The following FAM135B variants were observed in gnomAD, a reference collection of about 807,000 sequenced individuals.
FAM135B encodes family with sequence similarity 135 member B, also known as protein FAM135B.
A neutral mutation model predicts 127.7 loss-of-function variants in FAM135B; 43 were observed. That is an observed-to-expected ratio of 0.34 (90% CI 0.26 to 0.43). The LOEUF is 0.43. Among genes scored for constraint, FAM135B ranks in the 20% least tolerant of loss-of-function variants. The probability of loss-of-function intolerance (pLI) is 1.00; values close to 1 mark genes in which losing one functional copy is unlikely to be tolerated. For synonymous variants in FAM135B, 670 were observed against 665.1 expected (o/e 1.01, Z -0.11); for missense variants, 1,558 against 1,725.6 (o/e 0.90, Z 1.72).
intron 1 of FAM135B, among the ~76,000 whole-genome samples, chr8:138,467,337 G>T (rs1477336838): frequency 6.6e-6 from 1 of 152,028 alleles, no homozygotes; most frequent in Admixed American, 6.5e-5. Context: ...GAAGGCCCTC[G>T]GCCTGTGTTG....
At chr8:138,229,874 A>T (rs534362354) in intron 7 of FAM135B, among the ~76,000 whole-genome samples, 1 of 152,076 alleles carries the variant, frequency 6.6e-6, no homozygotes, top group Non-Finnish European at 1.5e-5. Flanking sequence ...GCACTCACTC[A>T]CTATCACAAG....
At chr8:138,430,297 G>GT (rs757237326) in intron 1 of FAM135B, among the ~76,000 whole-genome samples, 1 of 152,130 alleles carries the variant, frequency 6.6e-6, no homozygotes, top group Non-Finnish European at 1.5e-5. Flanking sequence ...AAGATGCTTG[G>GT]TATATGCTTC....
chr8:138,331,674 G>C (rs980223692), intron 2 of FAM135B, among the ~76,000 whole-genome samples: 11 of 152,178 alleles, frequency 7.2e-5, no homozygotes, highest in African/African-American at 2.7e-4. Context: ...CTGAAATAAA[G>C]TCTTTTCTCT....
chr8:138,400,703 T>G (rs968652), intron 1 of FAM135B, among the ~76,000 whole-genome samples: 1 of 151,948 alleles, frequency 6.6e-6, no homozygotes, highest in Non-Finnish European at 1.5e-5. Flanking sequence ...GTGCTACCTT[T>G]CAAGGCTGCC....
intron 1 of FAM135B, among the ~76,000 whole-genome samples, chr8:138,417,640 C>A (rs1448185428): frequency 6.6e-6 from 1 of 152,102 alleles, no homozygotes; most frequent in Admixed American, 6.5e-5. Flanking sequence ...CTCGAGAGGC[C>A]AGAGAGAAAA....
intron 12 of FAM135B, among the ~76,000 whole-genome samples, chr8:138,167,092 G>A (rs1358402579): frequency 6.6e-6 from 1 of 151,990 alleles, no homozygotes; most frequent in Admixed American, 6.6e-5. Context: ...ACCATGGGGG[G>A]AAATCAAAAT....
intron 1 of FAM135B, among the ~76,000 whole-genome samples, chr8:138,493,309 G>A (rs768365722): frequency 6.6e-6 from 1 of 152,010 alleles, no homozygotes; most frequent in Non-Finnish European, 1.5e-5. Flanking sequence ...CCCTCCTGGT[G>A]TCTCCCATGT....
chr8:138,426,888 T>C (rs1834918933), intron 1 of FAM135B, among the ~76,000 whole-genome samples: 3 of 151,994 alleles, frequency 2.0e-5, no homozygotes, highest in Admixed American at 1.3e-4. Flanking sequence ...TCCTATTTTC[T>C]TATCCTGAAA....
intron 1 of FAM135B, among the ~76,000 whole-genome samples, chr8:138,442,234 CACCA>C (rs1157437614): frequency 8.1e-5 from 1 of 12,304 alleles, no homozygotes; most frequent in Non-Finnish European, 1.6e-4. Flanking sequence ...AGAATATGGA[CACCA>C]TATATATATA....
intron 7 of FAM135B, among the ~76,000 whole-genome samples, chr8:138,231,405 C>T (rs1421673955): frequency 6.6e-6 from 1 of 152,198 alleles, no homozygotes. Flanking sequence ...CACTCATCCT[C>T]ACACCTGAGG....
chr8:138,480,494 T>C (rs190399671), intron 1 of FAM135B, among the ~76,000 whole-genome samples: 1 of 152,286 alleles, frequency 6.6e-6, no homozygotes, highest in Admixed American at 6.5e-5. Flanking sequence ...GACTGTGAAA[T>C]AGGCTCAATA....
intron 1 of FAM135B, among the ~76,000 whole-genome samples, chr8:138,473,028 T>G (rs1398366889): frequency 6.6e-6 from 1 of 152,176 alleles, no homozygotes; most frequent in Non-Finnish European, 1.5e-5. Context: ...TAATATGAAT[T>G]ATTACATTCT....
At position 138,390,123 on chromosome 8, in the gene FAM135B, A is replaced by T. The variant is rs193222071; in HGVS notation, c.-19-22121T>A. Among the ~76,000 whole-genome samples, 5 of 152,278 alleles carry T rather than the reference A, an allele frequency of 3.3e-5. No individual in the cohort carries two copies. The East Asian group carries it at 9.7e-4, about 29-fold the overall frequency. On this transcript the variant is annotated intron_variant, in intron 1 of 19. Transcript: ENST00000395297. The stretch of plus-strand genomic sequence containing the variant: ...GACCAATAATGGAATATTTGGGGAC[A>T]TACTTGTACTCAAAACTCTAATATT...
chr8:138,437,141 T>C (rs944362633), intron 1 of FAM135B: 4 of 152,244 alleles, frequency 2.6e-5, no homozygotes, highest in Non-Finnish European at 5.9e-5. Context: ...GAATGTGTTA[T>C]ATTCCTCAGG....
At chr8:138,459,755 G>C (rs1294061898) in intron 1 of FAM135B, among the ~76,000 whole-genome samples, 1 of 152,136 alleles carries the variant, frequency 6.6e-6, no homozygotes, top group East Asian at 1.9e-4. Context: ...AGAGAGCTTG[G>C]GTTTTCCTGT....
chr8:138,240,475 A>G (rs1820667968), intron 7 of FAM135B, among the ~76,000 whole-genome samples: 1 of 152,212 alleles, frequency 6.6e-6, no homozygotes, highest in Non-Finnish European at 1.5e-5. Context: ...GAAGCAATGA[A>G]TGGTCTGTGT....
chr8:138,414,197 CTAAA>C (rs1563982338), intron 1 of FAM135B, among the ~76,000 whole-genome samples: 1 of 149,102 alleles, frequency 6.7e-6, no homozygotes, highest in Non-Finnish European at 1.5e-5. Flanking sequence ...CTGTTTCTAC[CTAAA>C]TAATGAATAT....
At chr8:138,213,608 G>A (rs903821514) in intron 7 of FAM135B, among the ~76,000 whole-genome samples, 1 of 151,888 alleles carries the variant, frequency 6.6e-6, no homozygotes, top group Admixed American at 6.6e-5. Context: ...GCTTGTTAAG[G>A]ATCAGATGTG....
chr8:138,313,978 C>G (rs542003162), intron 2 of FAM135B, among the ~76,000 whole-genome samples: 7 of 151,876 alleles, frequency 4.6e-5, no homozygotes, highest in Admixed American at 2.0e-4. Flanking sequence ...TTTATTTAGT[C>G]TCACATATTT....
Sources: gnomAD v4.1 joint callset for allele counts (sites outside exome capture counted in the v4.1 genomes callset) on GRCh38, gnomAD v4.1.1 for gene constraint, MANE v1.5 for transcripts, NCBI Gene and HGNC (gene_info 2026-07-23, HGNC 2026-07-21) for gene names.